The following CELF1 variants were observed in gnomAD, a reference collection of about 807,000 sequenced individuals.
CELF1 encodes 50 kDa nuclear polyadenylated RNA-binding protein.
CELF1 carries 10 observed loss-of-function variants against 61.8 expected under a neutral mutation model. That is an observed-to-expected ratio of 0.16 (90% CI 0.10 to 0.27). The LOEUF is 0.27. Among genes scored for constraint, CELF1 ranks in the 10% least tolerant of loss-of-function variants. The pLI, the probability that CELF1 is intolerant of heterozygous loss-of-function variation, is 1.00. For missense variants in CELF1, 380 were observed against 639.1 expected, an observed-to-expected ratio of 0.59 and a Z score of 4.37; for synonymous variants, 236 against 225.1, an observed-to-expected ratio of 1.05 and a Z score of -0.43.
At chr11:47,550,347 A>G (rs2097106168) in intron 1 of CELF1, among the ~76,000 whole-genome samples, 1 of 151,716 alleles carries the variant, frequency 6.6e-6, no homozygotes, top group South Asian at 2.1e-4. Context: ...CCTGGCCAAC[A>G]TGGTGAAACC....
intron 6 of CELF1, among the ~76,000 whole-genome samples, chr11:47,485,167 C>G (rs576946236): frequency 6.6e-6 from 1 of 152,182 alleles, no homozygotes; most frequent in African/African-American, 2.4e-5. Flanking sequence ...TACTTGGCAT[C>G]TTCCCTAGTC....
At chr11:47,480,378 C>T (rs571833315) in intron 9 of CELF1, among the ~76,000 whole-genome samples, 12 of 152,326 alleles carry the variant, frequency 7.9e-5, no homozygotes, top group African/African-American at 2.4e-4. Flanking sequence ...TAAGCCACCG[C>T]GCCTGGCCTT....
chr11:47,494,298 T>C, intron 3 of CELF1: 1 of 742,282 alleles, frequency 1.3e-6, no homozygotes. Context: ...TTTATGTTTC[T>C]ACTACTGGCA....
intron 1 of CELF1, among the ~76,000 whole-genome samples, chr11:47,533,757 C>G (rs1479595025): frequency 7.4e-6 from 1 of 134,724 alleles, no homozygotes; most frequent in Non-Finnish European, 1.5e-5. Context: ...TTACAGTGAG[C>G]TGAGATTGCT....
At chr11:47,535,543 TG>T (rs2096605776) in intron 1 of CELF1, among the ~76,000 whole-genome samples, 1 of 151,534 alleles carries the variant, frequency 6.6e-6, no homozygotes, top group African/African-American at 2.4e-5. Context: ...CCGGGCATGG[TG>T]GGGCATGCCT....
intron 1 of CELF1, among the ~76,000 whole-genome samples, chr11:47,519,840 G>A (rs150657631): frequency 0.022 from 3,266 of 151,526 alleles, 37 homozygotes; most frequent in Non-Finnish European, 0.034. Context: ...TCCAGCCTGG[G>A]CGACGGAGCC....
chr11:47,501,642 C>G (rs2093912347), intron 1 of CELF1, among the ~76,000 whole-genome samples: 1 of 151,908 alleles, frequency 6.6e-6, no homozygotes, highest in Admixed American at 6.6e-5. Context: ...TAGTGAAACC[C>G]CATCTCTACT....
intron 1 of CELF1, chr11:47,523,341 G>C (rs2096054654): frequency 6.6e-6 from 1 of 152,118 alleles, no homozygotes; most frequent in African/African-American, 2.4e-5. Flanking sequence ...AGTATAAATG[G>C]GAAAACATTA....
chr11:47,523,623 CTCAA>C (rs2096071178), intron 1 of CELF1: 1 of 152,378 alleles, frequency 6.6e-6, no homozygotes, highest in Admixed American at 6.6e-5. Flanking sequence ...AAGAAGCTGC[CTCAA>C]TCAAGGTGTT....
intron 1 of CELF1, among the ~76,000 whole-genome samples, chr11:47,506,683 C>T (rs2094530985): frequency 6.6e-6 from 1 of 152,198 alleles, no homozygotes; most frequent in African/African-American, 2.4e-5. Context: ...GAAAAGAGGG[C>T]AAGAAAATAT....
intron 1 of CELF1, among the ~76,000 whole-genome samples, chr11:47,529,662 A>G (rs534491362): frequency 3.8e-4 from 57 of 150,556 alleles, no homozygotes; most frequent in Admixed American, 2.7e-3. Flanking sequence ...CCGACTCGGG[A>G]AAAAAAAAAT....
chr11:47,484,936 C>G (rs1254123621), intron 6 of CELF1, among the ~76,000 whole-genome samples: 1 of 152,150 alleles, frequency 6.6e-6, no homozygotes, highest in African/African-American at 2.4e-5. Flanking sequence ...CCTCGGCCTC[C>G]CAAAGTGCTG....
rs2077653499 is a variant in CELF1, at chr11:47,471,352, T to C, written c.*878A>G. ...GCAAAGAAGGAAACCAGGCAATGTA[T>C]TCCATAGAGGCCTTTAAAGAGACCC... On this transcript the variant is annotated 3_prime_UTR_variant, in exon 15 of 15. Transcript: ENST00000687097. The C allele has an allele frequency of 6.6e-6, 1 of 152,174 alleles. No individual in the cohort carries two copies. The highest frequency in any genetic ancestry group is 1.5e-5 in the Non-Finnish European group (1 of 68,042). 9.4% of individuals were successfully genotyped at this position (152,174 alleles called of 1,614,324 possible).
intron 9 of CELF1, among the ~76,000 whole-genome samples, chr11:47,480,199 G>A (rs1354558078): frequency 6.6e-6 from 1 of 150,836 alleles, no homozygotes; most frequent in Non-Finnish European, 1.5e-5. Context: ...CGATTCTCCT[G>A]CCTCAGCCTC....
At chr11:47,483,337 T>C (rs905709379) in intron 8 of CELF1, 116 bp downstream of exon 8, 8 of 764,386 alleles carry the variant, frequency 1.0e-5, no homozygotes, top group Non-Finnish European at 1.8e-5. Flanking sequence ...CTTTAAGATG[T>C]TGGCTGTTTA....
chr11:47,474,339 T>C (rs183381013), intron 13 of CELF1, among the ~76,000 whole-genome samples: 195 of 152,304 alleles, frequency 1.3e-3, no homozygotes, highest in African/African-American at 4.4e-3. Context: ...CCTATGCCCC[T>C]GTTACTCTTC....
At chr11:47,477,107 A>G in intron 11 of CELF1, 148 bp from the exon 12 acceptor site, 1 of 870,190 alleles carries the variant, frequency 1.1e-6, no homozygotes. Context: ...GAGACAAATA[A>G]TGGCCACAGC....
At chr11:47,544,583 CA>C (rs2096886800) in intron 1 of CELF1, among the ~76,000 whole-genome samples, 1 of 152,228 alleles carries the variant, frequency 6.6e-6, no homozygotes, top group African/African-American at 2.4e-5. Context: ...CTCTCAATTA[CA>C]GAAAGACTTA....
intron 1 of CELF1, among the ~76,000 whole-genome samples, chr11:47,502,076 G>A (rs2093978387): frequency 6.6e-6 from 1 of 152,132 alleles, no homozygotes; most frequent in Non-Finnish European, 1.5e-5. Context: ...TGGGAAATAT[G>A]ATTTAGAGTA....
Sources: allele counts gnomAD v4.1 joint callset (sites outside exome capture counted in the v4.1 genomes callset), GRCh38; gene constraint gnomAD v4.1.1; transcripts MANE v1.5; gene names NCBI Gene and HGNC (gene_info 2026-07-23, HGNC 2026-07-21).